ADGRV1: variants seen among roughly 807,000 people sequenced by gnomAD.
ADGRV1 encodes the protein adhesion G protein-coupled receptor V1.
A neutral mutation model predicts 596.2 loss-of-function variants in ADGRV1; 359 were observed. The observed-to-expected ratio is 0.60, with a 90% CI of 0.55 to 0.66. ADGRV1 has a LOEUF of 0.66. Among genes scored for constraint, ADGRV1 ranks in the 30% least tolerant of loss-of-function variants. The pLI, the probability that ADGRV1 is intolerant of heterozygous loss-of-function variation, is 0.00. For synonymous variants in ADGRV1, 2,681 were observed against 2,679.2 expected (o/e 1.00, Z -0.02); for missense variants, 7,274 against 7,575.6 (o/e 0.96, Z 1.48).
At position 90,697,047 on chromosome 5, in the gene ADGRV1, C is replaced by T; in HGVS notation, c.8056C>T (p.Pro2686Ser). The change falls in exon 34 of 90, where the codon CCA becomes TCA. Residue 2686 changes from proline (P) to serine (S), a missense_variant. By Grantham distance (74) the Pro-to-Ser change is moderately conservative. Coordinates refer to ENST00000405460, the MANE Select transcript of ADGRV1 (RefSeq NM_032119.4). The stretch of plus-strand genomic sequence containing the variant: ...CACTGAAGGTGGAAGTAGAATTTTG[C>T]CAAGCTCCGACACTGTTAGAGTGAA... ...VYTEGGSRIL[P>S]SSDTVRVNIL... 1 of 1,613,384 alleles carries T rather than the reference C, an allele frequency of 6.2e-7. No homozygotes were observed. The highest frequency in any genetic ancestry group is 8.5e-7 in the Non-Finnish European group (1 of 1,179,484).
At chr5:90,698,779 GA>G (rs34319147) in intron 34 of ADGRV1, among the ~76,000 whole-genome samples, 95,141 of 151,778 alleles carry the variant, frequency 0.63, 30,326 homozygotes, top group East Asian at 0.8. Context: ...TGCTGGGAAA[GA>G]AAAAATTACC....
chr5:90,714,929 A>G (rs1749890726), intron 42 of ADGRV1, among the ~76,000 whole-genome samples: 1 of 152,158 alleles, frequency 6.6e-6, no homozygotes, highest in Non-Finnish European at 1.5e-5. Flanking sequence ...CCTATTCCTT[A>G]AAAAAGTCTC....
At chr5:90,875,180 A>G (rs1219835672) in intron 83 of ADGRV1, among the ~76,000 whole-genome samples, 2 of 152,226 alleles carry the variant, frequency 1.3e-5, no homozygotes, top group Non-Finnish European at 2.9e-5. Flanking sequence ...GAAACAGAGC[A>G]AGACCCTGAA....
At chr5:91,070,743 T>C (rs908890030) in intron 85 of ADGRV1, among the ~76,000 whole-genome samples, 2 of 152,196 alleles carry the variant, frequency 1.3e-5, no homozygotes, top group African/African-American at 4.8e-5. Context: ...AAGTTTGCCT[T>C]GGACCCCACT....
chr5:90,694,006 G>A lies in ADGRV1; in HGVS notation c.7250G>A (p.Gly2417Glu). ...TCCTACTATGAATCTCCAATTCAAG[G>A]GGTGCCTGACCCACTTTGGAGAACT... is the stretch of plus-strand genomic sequence containing the variant. The part of the protein sequence containing the change: ...LLSYYESPIQ[G>E]VPDPLWRTWM... Residue 2417 changes from glycine to glutamate, a missense_variant, in exon 33 of 90, where the codon GGG (glycine) becomes GAG (glutamate). Physicochemically the swap from Gly to Glu is moderately conservative, Grantham distance 98. Around this residue, in one of 5 missense-constraint regions of ADGRV1, gnomAD observed 3,643 missense variants for 3,809.2 expected, o/e 0.96. Coordinates refer to ENST00000405460, the MANE Select transcript of ADGRV1 (RefSeq NM_032119.4). The A allele has an allele frequency of 6.2e-7, 1 of 1,613,632 alleles. No individual in the cohort carries two copies. Among genetic ancestry groups the A allele is most frequent in the African/African-American group, 1.3e-5 (1 of 75,036 alleles).
At chr5:90,900,752 G>T (rs777765595) in intron 83 of ADGRV1, among the ~76,000 whole-genome samples, 9 of 152,022 alleles carry the variant, frequency 5.9e-5, no homozygotes, top group Non-Finnish European at 1.2e-4. Context: ...ATGAGTTTGT[G>T]CTTCTTGTCT....
intron 64 of ADGRV1, 163 bp from the exon 65 acceptor site, chr5:90,781,267 G>A (rs886755597): frequency 1.5e-6 from 1 of 676,026 alleles, no homozygotes; most frequent in African/African-American, 1.8e-5. Flanking sequence ...CATCATTTCA[G>A]GAAAAAGAGA....
At chr5:90,948,235 T>G (rs963644542) in intron 83 of ADGRV1, among the ~76,000 whole-genome samples, 2 of 152,056 alleles carry the variant, frequency 1.3e-5, no homozygotes, top group African/African-American at 4.8e-5. Context: ...AGTCTGAAAT[T>G]TTTATGTTTT....
intron 73 of ADGRV1, 77 bp from the exon 74 acceptor site, chr5:90,810,156 T>G: frequency 8.5e-7 from 1 of 1,181,290 alleles, no homozygotes; most frequent in Admixed American, 2.8e-5. Context: ...ATTTTAAATA[T>G]GTGAATGATG....
chr5:90,601,659 A>G (rs899014648), intron 1 of ADGRV1, among the ~76,000 whole-genome samples: 1 of 152,174 alleles, frequency 6.6e-6, no homozygotes, highest in Non-Finnish European at 1.5e-5. Context: ...ATAGACTCAA[A>G]CATTAACAGC....
chr5:90,572,954 A>T (rs1220281112), intron 1 of ADGRV1, among the ~76,000 whole-genome samples: 1 of 152,176 alleles, frequency 6.6e-6, no homozygotes, highest in Non-Finnish European at 1.5e-5. Context: ...ATTTGTCCCC[A>T]TTCTTCTGTA....
intron 74 of ADGRV1, among the ~76,000 whole-genome samples, chr5:90,811,928 AT>A (rs57092908): frequency 0.22 from 28,507 of 132,284 alleles, 2,755 homozygotes; most frequent in East Asian, 0.36. Context: ...ATCATACTGT[AT>A]TTTTTTTTTT....
intron 87 of ADGRV1, among the ~76,000 whole-genome samples, chr5:91,148,275 C>T (rs1043138886): frequency 6.6e-6 from 1 of 152,198 alleles, no homozygotes. Flanking sequence ...GAAAATATCT[C>T]CAGGCCATGC....
chr5:90,659,502 G>A (rs1769926639), intron 21 of ADGRV1, among the ~76,000 whole-genome samples: 1 of 152,064 alleles, frequency 6.6e-6, no homozygotes, highest in African/African-American at 2.4e-5. Context: ...ATCATGCCTG[G>A]GTAAAAGACT....
intron 88 of ADGRV1, among the ~76,000 whole-genome samples, chr5:91,150,590 T>C (rs1795968644): frequency 6.6e-6 from 1 of 152,212 alleles, no homozygotes. Flanking sequence ...AAGGAAATGG[T>C]TCTTAAGATG....
At chr5:90,797,683 A>C (rs1201566995) in intron 70 of ADGRV1, among the ~76,000 whole-genome samples, 1 of 152,200 alleles carries the variant, frequency 6.6e-6, no homozygotes, top group Admixed American at 6.5e-5. Flanking sequence ...TCTTCTTCTC[A>C]GCACCTCGTC....
chr5:90,908,649 C>T (rs926364235), intron 83 of ADGRV1, among the ~76,000 whole-genome samples: 17 of 152,110 alleles, frequency 1.1e-4, no homozygotes, highest in African/African-American at 3.6e-4. Context: ...ATTACCTAAT[C>T]TTATGTAAGT....
intron 85 of ADGRV1, among the ~76,000 whole-genome samples, chr5:91,019,892 T>A (rs1562098701): frequency 2.0e-5 from 3 of 152,006 alleles, no homozygotes; most frequent in African/African-American, 7.2e-5. Context: ...TTTAACTATT[T>A]CCTACTCTCT....
At chr5:90,666,610 A>T (rs551844707) in intron 21 of ADGRV1, among the ~76,000 whole-genome samples, 58 of 125,980 alleles carry the variant, frequency 4.6e-4, no homozygotes, top group African/African-American at 1.7e-3. Flanking sequence ...GTCCATTTAC[A>T]TTTAAAGTTA....
Sources: gnomAD v4.1 joint callset for allele counts (sites outside exome capture counted in the v4.1 genomes callset) on GRCh38, gnomAD v4.1.1 for gene constraint, gnomAD v4.1.1 regional missense constraint, MANE v1.5 for transcripts, NCBI Gene and HGNC (gene_info 2026-07-23, HGNC 2026-07-21) for gene names.